DNAH8: variants seen among roughly 807,000 people sequenced by gnomAD.
DNAH8 encodes axonemal beta dynein heavy chain 8.
In DNAH8, 382 loss-of-function variants were observed where a neutral mutation model predicts 562.1. The ratio of observed to expected loss-of-function variants is 0.68; its 90% CI spans 0.63 to 0.74. DNAH8 has a LOEUF of 0.74. DNAH8 is among the 30% of genes least tolerant of loss of function. DNAH8 has a pLI of 0.00. For missense variants in DNAH8, 5,203 were observed against 5,620.4 expected (o/e 0.93, Z 2.37); for synonymous variants, 1,881 against 1,919.4 (o/e 0.98, Z 0.52).
chr6:38,830,668 G>A (rs1773763001), intron 30 of DNAH8, among the ~76,000 whole-genome samples: 1 of 149,840 alleles, frequency 6.7e-6, no homozygotes, highest in East Asian at 2.0e-4. Context: ...GACCTCCAAG[G>A]GATGACCTAC....
At chr6:38,983,983 C>T (rs1360469707) in intron 86 of DNAH8, among the ~76,000 whole-genome samples, 4 of 152,030 alleles carry the variant, frequency 2.6e-5, no homozygotes, top group Admixed American at 2.0e-4. Context: ...GTGCAATATA[C>T]TTACCAGTGT....
At chr6:38,879,604 G>A (rs990375704) in intron 53 of DNAH8, among the ~76,000 whole-genome samples, 2 of 152,148 alleles carry the variant, frequency 1.3e-5, no homozygotes, top group Non-Finnish European at 2.9e-5. Flanking sequence ...AACGTTATAC[G>A]GAATGGTAAA....
In DNAH8 at chr6:38,944,772, G is replaced by A. The variant is rs143856301; in HGVS notation, c.12008-695G>A. On this transcript the variant is annotated intron_variant, in intron 79 of 92. Coordinates refer to ENST00000327475, the MANE Select transcript of DNAH8 (RefSeq NM_001206927.2). The stretch of plus-strand genomic sequence containing the variant: ...CTATATCCCCCAGTGTCTGGAACAT[G>A]TCAAACACCTGGAGGGCGCTCAATA... Among the ~76,000 whole-genome samples the A allele has an allele frequency of 1.3e-3, 195 of 152,244 alleles. 1 individual carries two copies. Among genetic ancestry groups the A allele is most frequent in the African/African-American group, 4.4e-3 (182 of 41,542 alleles).
chr6:38,837,098 A>G (rs1774366197), intron 32 of DNAH8, among the ~76,000 whole-genome samples: 1 of 152,206 alleles, frequency 6.6e-6, no homozygotes, highest in Non-Finnish European at 1.5e-5. Flanking sequence ...CCACCAAGGA[A>G]TACACAAAGT....
At chr6:38,777,006 T>C (rs1274878833) in intron 13 of DNAH8, among the ~76,000 whole-genome samples, 2 of 152,206 alleles carry the variant, frequency 1.3e-5, no homozygotes, top group African/African-American at 4.8e-5. Context: ...TTCTCAAGTA[T>C]TTAAAAAATT....
At chr6:38,927,255 T>G (rs1381955951) in intron 74 of DNAH8, among the ~76,000 whole-genome samples, 4 of 152,232 alleles carry the variant, frequency 2.6e-5, no homozygotes, top group African/African-American at 9.6e-5. Context: ...AGATCTTCCT[T>G]AATTAGATAG....
At chr6:38,938,746 T>C in intron 78 of DNAH8, 52 bp from the exon 79 acceptor site, 1 of 1,400,330 alleles carries the variant, frequency 7.1e-7, no homozygotes. Context: ...TTGAAAGTTT[T>C]TTAAAAAAAG....
chr6:39,029,701 G>C (rs1340454104), intron 92 of DNAH8, among the ~76,000 whole-genome samples: 1 of 152,098 alleles, frequency 6.6e-6, no homozygotes, highest in Admixed American at 6.5e-5. Context: ...GACACAGGTT[G>C]GTTGGCCGGG....
chr6:38,917,133 A>G, intron 68 of DNAH8, 106 bp from the exon 69 acceptor site: 2 of 788,986 alleles, frequency 2.5e-6, no homozygotes, highest in South Asian at 3.7e-5. Flanking sequence ...TGGAGAGAAA[A>G]TATGTTTTAA....
intron 18 of DNAH8, among the ~76,000 whole-genome samples, chr6:38,788,155 G>GTTT (rs56324450): frequency 6.1e-5 from 9 of 147,708 alleles, no homozygotes; most frequent in African/African-American, 1.7e-4. Context: ...GACTTTTCCT[G>GTTT]TTTTTTTTTT....
intron 68 of DNAH8, among the ~76,000 whole-genome samples, chr6:38,916,840 A>G (rs1032290530): frequency 2.6e-5 from 4 of 152,198 alleles, no homozygotes; most frequent in Non-Finnish European, 4.4e-5. Context: ...TGCCATAGAC[A>G]GGGAAGCCCT....
rs1191544240 is a variant in DNAH8 at position 38,828,276 on chromosome 6, G to T, written c.4176G>T (p.Leu1392Phe). ...CCTTAAGATATTCTTTCAACAAATT[G>T]CAGAGCAAAGCTGTAAGTATGAATT... ...VDTLRYSFNK[L>F]QSKAVSVQED... The change falls in exon 30 of 93, where the codon TTG becomes TTT. Residue 1392 changes from leucine (L) to phenylalanine (F), a missense_variant. Physicochemically the swap from Leu to Phe is conservative, Grantham distance 22. Transcript: ENST00000327475. The T allele has an allele frequency of 3.2e-6, 5 of 1,556,738 alleles. No individual in the cohort carries two copies. The highest frequency in any genetic ancestry group is 2.8e-5 in the African/African-American group (2 of 72,396).
intron 37 of DNAH8, among the ~76,000 whole-genome samples, chr6:38,849,391 C>T (rs955865668): frequency 2.6e-5 from 4 of 152,092 alleles, no homozygotes; most frequent in Non-Finnish European, 4.4e-5. Flanking sequence ...TGTAACAAAA[C>T]CTTTAAAACA....
At chr6:38,864,150 A>T in intron 45 of DNAH8, 90 bp downstream of exon 45, 4 of 1,166,620 alleles carry the variant, frequency 3.4e-6, no homozygotes, top group African/African-American at 1.6e-5. Flanking sequence ...TAGATGACCA[A>T]CTATCCAGGA....
chr6:38,819,592 TAAAG>T (rs1038845427), intron 26 of DNAH8, among the ~76,000 whole-genome samples: 6 of 152,076 alleles, frequency 3.9e-5, no homozygotes, highest in African/African-American at 1.4e-4. Context: ...AAATGAAGAA[TAAAG>T]AAGGAAGCCC....
intron 8 of DNAH8, among the ~76,000 whole-genome samples, chr6:38,749,130 C>A (rs1036020549): frequency 9.2e-5 from 14 of 152,028 alleles, no homozygotes; most frequent in African/African-American, 3.4e-4. Flanking sequence ...CCCAAAAGCT[C>A]ATCAATGATA....
chr6:38,910,287 G>A (rs1780791698), intron 65 of DNAH8, among the ~76,000 whole-genome samples: 2 of 152,180 alleles, frequency 1.3e-5, no homozygotes, highest in Admixed American at 1.3e-4. Context: ...GAAAGCTGGT[G>A]TCAACCATGC....
intron 39 of DNAH8, 37 bp downstream of exon 39, chr6:38,851,711 C>T (rs757246143): frequency 2.1e-5 from 27 of 1,260,828 alleles, no homozygotes; most frequent in Non-Finnish European, 3.1e-5. Flanking sequence ...CTTGCTTTTC[C>T]CACGACATAC....
At chr6:38,857,840 G>GTCCTTTTT in intron 42 of DNAH8, 98 bp downstream of exon 42, 1 of 757,766 alleles carries the variant, frequency 1.3e-6, no homozygotes, top group South Asian at 1.9e-5. Context: ...CATTTACTTG[G>GTCCTTTTT]TCCTTTTTCA....
Sources: allele counts gnomAD v4.1 joint callset (sites outside exome capture counted in the v4.1 genomes callset), GRCh38; gene constraint gnomAD v4.1.1; transcripts MANE v1.5; gene names NCBI Gene and HGNC (gene_info 2026-07-23, HGNC 2026-07-21).